The following NT5C3B variants were observed in gnomAD, a reference collection of about 807,000 sequenced individuals.
NT5C3B encodes 7-methylguanosine phosphate-specific 5'-nucleotidase.
NT5C3B carries 28 observed loss-of-function variants against 32.5 expected under a neutral mutation model. The observed-to-expected ratio is 0.86, with a 90% CI of 0.64 to 1.18. The LOEUF is 1.18. Among genes scored for constraint, NT5C3B ranks in the 50% most tolerant of loss-of-function variants. NT5C3B has a pLI of 0.00. For synonymous variants in NT5C3B, 138 were observed against 118.0 expected, an observed-to-expected ratio of 1.17 and a Z score of -1.10; for missense variants, 317 against 322.0, an observed-to-expected ratio of 0.98 and a Z score of 0.12.
Position 41,828,817 on chromosome 17 carries a change from C to G in NT5C3B, c.540G>C (p.Val180=), listed in dbSNP as rs369991306. 4 of 1,613,740 alleles carry G rather than the reference C, an allele frequency of 2.5e-6. No homozygotes were observed. Among genetic ancestry groups the G allele is most frequent in the Non-Finnish European group, 3.4e-6 (4 of 1,179,884 alleles). The change falls in exon 7 of 9, where the codon GTG becomes GTC. Residue 180 remains valine, a synonymous_variant. Coordinates refer to ENST00000435506, the MANE Select transcript of NT5C3B (RefSeq NM_052935.5). ...MKVFHPNIHI[V]SNYMDFNEDG... ...CTTCATTAAAATCCATGTAGTTAGACACGATGTGGATGTTGGGGTGGAACA... is the reference window on the plus strand; with the variant it reads ...CTTCATTAAAATCCATGTAGTTAGAGACGATGTGGATGTTGGGGTGGAACA...
intron 8 of NT5C3B, among the ~76,000 whole-genome samples, chr17:41,826,179 A>C (rs1422995669): frequency 6.6e-5 from 10 of 150,990 alleles, no homozygotes; most frequent in African/African-American, 2.2e-4. Flanking sequence ...AAAAAAAAAA[A>C]ACAGATGTTG....
rs114543945 is a variant in NT5C3B, at chr17:41,826,383, C to A, written c.769-726G>T. Among the ~76,000 whole-genome samples the A allele has an allele frequency of 2.0e-3, 310 of 152,240 alleles. 3 individuals are homozygous for A. Among genetic ancestry groups the A allele is most frequent in the African/African-American group, 7.1e-3 (297 of 41,562 alleles). ...GAACTACAGGCATGCTAACCACACC[C>A]AGCTAATTGTTGTTGCTGTTGTTGA... On this transcript the variant is annotated intron_variant, in intron 8 of 8. Coordinates refer to ENST00000435506, the MANE Select transcript of NT5C3B (RefSeq NM_052935.5).
At chr17:41,835,591 G>T in intron 2 of NT5C3B, 1 of 655,856 alleles carries the variant, frequency 1.5e-6, no homozygotes, top group Non-Finnish European at 2.7e-6. Flanking sequence ...AACTTACTGG[G>T]GAGCCGCTGG....
Position 41,825,655 on chromosome 17 carries a change from C to T in NT5C3B, c.771G>A (p.Val257=), listed in dbSNP as rs782774271. The T allele has an allele frequency of 1.7e-5, 15 of 872,692 alleles. No homozygotes were observed. Among genetic ancestry groups the T allele is most frequent in the Non-Finnish European group, 3.0e-5 (15 of 501,636 alleles). The allele number at this position is 872,692 out of a possible 1,614,324, so 54.1% of individuals were successfully genotyped here. A position where few individuals can be genotyped will look rare whatever the true frequency, so the allele number is the denominator to read the frequency against. Residue 257 remains valine, a splice_region_variant and synonymous_variant, in exon 9 of 9, where the codon GTG becomes GTA. Transcript: ENST00000435506. ...ILKIGFLNDK[V]EERRERYMDS... The stretch of plus-strand genomic sequence containing the variant: ...CCATGTAGCGCTCCCGCCGCTCCTC[C>T]ACCTGCCCGGAATGAGAGGCAGAAG...
chr17:41,826,999 C>CAAAAAAAAAAAAAAAAA (rs34220910), intron 8 of NT5C3B, among the ~76,000 whole-genome samples: 1 of 118,824 alleles, frequency 8.4e-6, no homozygotes, highest in Non-Finnish European at 1.8e-5. Context: ...GACTCTATCT[C>CAAAAAAAAAAAAAAAAA]AAAAAAAAAA....
At chr17:41,833,767 A>G (rs186589523) in intron 4 of NT5C3B, among the ~76,000 whole-genome samples, 1 of 152,344 alleles carries the variant, frequency 6.6e-6, no homozygotes, top group Admixed American at 6.5e-5. Flanking sequence ...CAATTCCGTC[A>G]AAAGTGTCAA....
At chr17:41,827,175 G>T (rs565501443) in intron 8 of NT5C3B, among the ~76,000 whole-genome samples, 2 of 151,024 alleles carry the variant, frequency 1.3e-5, no homozygotes, top group African/African-American at 4.9e-5. Context: ...GAGTGGTGGC[G>T]GGTGCCTGTA....
intron 1 of NT5C3B, 48 bp downstream of exon 1, chr17:41,836,134 G>A (rs1391318575): frequency 9.1e-6 from 12 of 1,321,596 alleles, no homozygotes; most frequent in Non-Finnish European, 1.2e-5. Flanking sequence ...GCGCCCCGGG[G>A]GTCGGAGTCC....
chr17:41,825,456 G>A lies in NT5C3B; in HGVS notation c.*67C>T. The A allele has an allele frequency of 1.2e-6, 1 of 816,412 alleles. No individual in the cohort carries two copies. 50.6% of individuals were successfully genotyped at this position (816,412 alleles called of 1,614,324 possible). A position where few individuals can be genotyped will look rare whatever the true frequency, so the allele number is the denominator to read the frequency against. On this transcript the variant is annotated 3_prime_UTR_variant, in exon 9 of 9. Coordinates refer to ENST00000435506, the MANE Select transcript of NT5C3B (RefSeq NM_052935.5). ...CCCTGGCCTCTGCTCTGTGTTCACGGGGGAGCAGACTCTGGGGAGGCGCCC... is the reference window on the plus strand; with the variant it reads ...CCCTGGCCTCTGCTCTGTGTTCACGAGGGAGCAGACTCTGGGGAGGCGCCC...
chr17:41,835,140 T>A, intron 3 of NT5C3B, 24 bp from the exon 4 acceptor site: 2 of 1,614,050 alleles, frequency 1.2e-6, no homozygotes, highest in South Asian at 2.2e-5. Context: ...AAACTCCTTT[T>A]ACTTGTCCCT....
chr17:41,832,644 G>T lies in NT5C3B; in HGVS notation c.229-167C>A, dbSNP rs147602157. The T allele has an allele frequency of 1.2e-3, 582 of 480,966 alleles. 7 individuals are homozygous for T. In the East Asian group the frequency reaches 0.014, roughly 12 times the overall value. 29.8% of individuals were successfully genotyped at this position (480,966 alleles called of 1,614,324 possible). ...GTGCTTTAGGAGGCTGAGGCAGGTGGATCACTTGAGGTCAGGAGTTCGAGT... is the reference window on the plus strand; with the variant it reads ...GTGCTTTAGGAGGCTGAGGCAGGTGTATCACTTGAGGTCAGGAGTTCGAGT... On this transcript the variant is annotated intron_variant, in intron 4 of 8. Transcript: ENST00000435506.
At chr17:41,828,999 G>C in intron 6 of NT5C3B, 47 bp from the exon 7 acceptor site, 1 of 1,544,334 alleles carries the variant, frequency 6.5e-7, no homozygotes, top group Non-Finnish European at 8.8e-7. Context: ...CTCTACTGCT[G>C]TTCTTTGTTT....
At chr17:41,832,579 A>T in intron 4 of NT5C3B, 102 bp from the exon 5 acceptor site, 1 of 891,208 alleles carries the variant, frequency 1.1e-6, no homozygotes, top group Non-Finnish European at 1.8e-6. Flanking sequence ...AGAAGAGGCA[A>T]CTTCATGGCC....
chr17:41,829,930 A>G (rs1000409948), intron 6 of NT5C3B, among the ~76,000 whole-genome samples: 1 of 152,176 alleles, frequency 6.6e-6, no homozygotes, highest in Non-Finnish European at 1.5e-5. Flanking sequence ...TCACTAGGGT[A>G]CAAACACTCC....
chr17:41,828,650 T>A (rs782773242), intron 7 of NT5C3B, 140 bp downstream of exon 7: 9 of 811,938 alleles, frequency 1.1e-5, no homozygotes, highest in Admixed American at 2.3e-5. Flanking sequence ...AAGTAACCCA[T>A]AAACAACTGC....
chr17:41,835,056 C>A lies in NT5C3B; in HGVS notation c.228+14G>T. 1 of 1,613,476 alleles carries A rather than the reference C, an allele frequency of 6.2e-7. No individual in the cohort carries two copies. Among genetic ancestry groups the A allele is most frequent in the Non-Finnish European group, 8.5e-7 (1 of 1,179,432 alleles). ...ATGACAACCATTTCTGAGCAAAGGA[C>A]GGGAGCAACCCACCTCTTTCCGACA... On this transcript the variant is annotated intron_variant, in intron 4 of 8. Coordinates refer to ENST00000435506, the MANE Select transcript of NT5C3B (RefSeq NM_052935.5).
At chr17:41,828,555 T>C (rs1486930928) in intron 7 of NT5C3B, 3 of 352,844 alleles carry the variant, frequency 8.5e-6, no homozygotes, top group Non-Finnish European at 1.0e-5. Context: ...CAGGCTGGTC[T>C]CGAACTCCTG....
Position 41,830,677 on chromosome 17 carries a change from T to C in NT5C3B, c.404+124A>G, listed in dbSNP as rs142134439. ...TTAGCTGTATCACATCAGTTGTTCA[T>C]AGTGCCATGTCCCTTCCGGTCCTTT... On this transcript the variant is annotated intron_variant, in intron 6 of 8. Coordinates refer to ENST00000435506, the MANE Select transcript of NT5C3B (RefSeq NM_052935.5). The C allele has an allele frequency of 8.1e-4, 566 of 700,596 alleles. 3 individuals carry two copies. Among genetic ancestry groups the C allele is most frequent in the Admixed American group, 2.8e-3 (123 of 43,640 alleles). 43.4% of individuals were successfully genotyped at this position (700,596 alleles called of 1,614,324 possible). A position where few individuals can be genotyped will look rare whatever the true frequency, so the allele number is the denominator to read the frequency against.
In NT5C3B at chr17:41,835,915, C is replaced by T. The variant is rs1555619883; in HGVS notation, c.55G>A (p.Gly19Arg). ...MKATVLMRQPGRVQEIVGALR... is the reference protein window; with the variant it reads ...MKATVLMRQPRRVQEIVGALR... Reference sequence around the variant, plus strand: ...GCGCCCACGATCTCCTGCACCCGCCCAGGCTGCCGCATCAGGACCGTGGCC... The same window carrying T: ...GCGCCCACGATCTCCTGCACCCGCCTAGGCTGCCGCATCAGGACCGTGGCC... The change falls in exon 2 of 9, where the codon GGG becomes AGG. Residue 19 changes from glycine to arginine, a missense_variant. Transcript: ENST00000435506. The T allele has an allele frequency of 6.2e-7, 1 of 1,606,006 alleles. No homozygotes were observed.
Sources: gnomAD v4.1 joint callset for allele counts (sites outside exome capture counted in the v4.1 genomes callset) on GRCh38, gnomAD v4.1.1 for gene constraint, MANE v1.5 for transcripts, NCBI Gene and HGNC (gene_info 2026-07-23, HGNC 2026-07-21) for gene names.